The following ABCB4 variants were observed in gnomAD, a reference collection of about 807,000 sequenced individuals.
ABCB4 encodes the protein ATP binding cassette subfamily B member 4.
A neutral mutation model predicts 145.7 loss-of-function variants in ABCB4; 76 were observed. The ratio of observed to expected loss-of-function variants is 0.52; its 90% CI spans 0.43 to 0.63. ABCB4 has a LOEUF of 0.63. Among genes scored for constraint, ABCB4 ranks in the 30% least tolerant of loss-of-function variants. The pLI, the probability that ABCB4 is intolerant of heterozygous loss-of-function variation, is 0.00. For synonymous variants in ABCB4, 517 were observed against 566.8 expected (o/e 0.91, Z 1.25); for missense variants, 1,234 against 1,553.1 (o/e 0.79, Z 3.45).
intron 4 of ABCB4, among the ~76,000 whole-genome samples, chr7:87,458,067 C>T (rs981481307): frequency 5.3e-5 from 8 of 152,082 alleles, no homozygotes; most frequent in South Asian, 4.1e-4. Context: ...TTCAGGCACC[C>T]TAGGCACTAT....
intron 1 of ABCB4, 27 bp from the exon 2 acceptor site, chr7:87,475,498 C>G (rs773446907): frequency 3.1e-6 from 5 of 1,612,286 alleles, no homozygotes; most frequent in Non-Finnish European, 2.5e-6. Flanking sequence ...GCCTCAGAAC[C>G]AAGTACACCC....
rs567483147 is a variant in ABCB4 at position 87,462,764 on chromosome 7, A to G, written c.280T>C (p.Phe94Leu). The G allele has an allele frequency of 8.9e-5, 144 of 1,613,888 alleles. No homozygotes were observed. The highest frequency in any genetic ancestry group is 1.2e-4 in the Non-Finnish European group (141 of 1,179,908). Residue 94 changes from phenylalanine to leucine, a missense_variant, in exon 4 of 28, where the codon TTT becomes CTT. Phe to Leu is a conservative substitution (Grantham distance 22). Transcript: ENST00000649586. Reference protein sequence around the residue: ...KFVDTAGNFSFPVNFSLSLLN... With the variant: ...KFVDTAGNFSLPVNFSLSLLN... ...AAGGTAAAGAAATGCTTACCTGGAA[A>G]GGAGAAGTTTCCTGCAGTATCAACA...
chr7:87,375,957 C>A, the ABCB4 span: 1 of 1,524,654 alleles, frequency 6.6e-7, no homozygotes, highest in Non-Finnish European at 8.8e-7. Context: ...TTCTGAGGTA[C>A]TTAACTACCT....
intron 18 of ABCB4, 58 bp downstream of exon 18, chr7:87,422,063 T>C: frequency 7.9e-7 from 1 of 1,270,254 alleles, no homozygotes; most frequent in Admixed American, 1.9e-5. Flanking sequence ...TTAGGTTTAA[T>C]TTAATTTCTC....
In ABCB4 at chr7:87,403,521, A is replaced by G. The variant is rs1488787787; in HGVS notation, c.3487-240T>C. ...AATAGGAGGAGGATACTCTAAAATAACAAATGCTATAACGGATATATGAAT... is the reference window on the plus strand; with the variant it reads ...AATAGGAGGAGGATACTCTAAAATAGCAAATGCTATAACGGATATATGAAT... On this transcript the variant is annotated intron_variant, in intron 26 of 27. Transcript: ENST00000649586. 3 of 534,694 alleles carry G rather than the reference A, an allele frequency of 5.6e-6. No individual in the cohort carries two copies. The African/African-American group carries it at 5.7e-5, about 10-fold the overall frequency. 33.1% of individuals were successfully genotyped at this position (534,694 alleles called of 1,614,324 possible).
chr7:87,388,219 G>A, the ABCB4 span, among the ~76,000 whole-genome samples: 1 of 151,702 alleles, frequency 6.6e-6, no homozygotes, highest in Non-Finnish European at 1.5e-5. Flanking sequence ...TTATAGATTC[G>A]ATGCTATCTC....
At chr7:87,471,476 C>A (rs972253591) in intron 3 of ABCB4, among the ~76,000 whole-genome samples, 9 of 151,520 alleles carry the variant, frequency 5.9e-5, no homozygotes, top group Non-Finnish European at 1.2e-4. Context: ...TTTTAAATTG[C>A]CCTTACTGAG....
In ABCB4 at chr7:87,444,869, A is replaced by G. The variant is rs1811239861; in HGVS notation, c.1112T>C (p.Ile371Thr). ...AAATAATAAATGACTTACATTATCA[A>G]TAATATCAAAGATCACATATGCTGC... is the stretch of plus-strand genomic sequence containing the variant. ...RGAAYVIFDI[I>T]DNNPKIDSFS... is the part of the protein sequence containing the mutation. The change falls in exon 10 of 28, where the codon ATT (isoleucine) becomes ACT (threonine). Residue 371 changes from isoleucine (I) to threonine (T), a missense_variant. This residue lies in a region of ABCB4 where 467 missense variants were observed against 632.8 expected (regional missense o/e 0.74). Transcript: ENST00000649586. The G allele has an allele frequency of 3.1e-6, 5 of 1,605,764 alleles. No individual in the cohort carries two copies. The highest frequency in any genetic ancestry group is 1.7e-5 in the Admixed American group (1 of 59,582).
At position 87,475,275 on chromosome 7, in the gene ABCB4, A is replaced by G. The variant is rs1813720173; in HGVS notation, c.80+111T>C. 4.5e-6 allele frequency: 6 copies of G among 1,323,244 alleles called. No homozygotes were observed. The East Asian group carries it at 6.9e-5, about 15-fold the overall frequency. The allele number at this position is 1,323,244 out of a possible 1,614,324, so 82.0% of individuals were successfully genotyped here. A position where few individuals can be genotyped will look rare whatever the true frequency, so the allele number is the denominator to read the frequency against. ...GCAAGACCCTTCAAAGAAGCCTCCA[A>G]AACAAAGGTCTTCAAAGGCATCAAC... On this transcript the variant is annotated intron_variant, in intron 2 of 27. Transcript: ENST00000649586.
At chr7:87,412,075 T>G in intron 22 of ABCB4, 42 bp from the exon 23 acceptor site, 1 of 1,611,770 alleles carries the variant, frequency 6.2e-7, no homozygotes, top group Non-Finnish European at 8.5e-7. Context: ...CTCTTCAGCC[T>G]CCTTTAGCGC....
chr7:87,406,238 T>C (rs1161216490), intron 26 of ABCB4, 50 bp downstream of exon 26: 1 of 1,571,576 alleles, frequency 6.4e-7, no homozygotes, highest in Non-Finnish European at 8.8e-7. Flanking sequence ...TGGTAATTGT[T>C]TGGGGGATAA....
intron 4 of ABCB4, among the ~76,000 whole-genome samples, chr7:87,460,954 C>T (rs45525434): frequency 1.3e-5 from 2 of 151,592 alleles, no homozygotes; most frequent in Non-Finnish European, 2.9e-5. Context: ...CTACCTCTCC[C>T]ATTTCTTTAA....
At chr7:87,420,104 T>G (rs777829239) in intron 18 of ABCB4, 29 bp from the exon 19 acceptor site, 39 of 1,607,286 alleles carry the variant, frequency 2.4e-5, no homozygotes, top group Non-Finnish European at 2.9e-5. Flanking sequence ...TATGGTCTCT[T>G]TTGATCTTTA....
Position 87,462,775 on chromosome 7 carries a change from C to A in ABCB4, c.269G>T (p.Gly90Val), listed in dbSNP as rs2116898065. The change falls in exon 4 of 28, where the codon GGA (glycine) becomes GTA (valine). Residue 90 changes from glycine (G) to valine (V), a missense_variant. Coordinates refer to ENST00000649586, the MANE Select transcript of ABCB4 (RefSeq NM_000443.4). Reference sequence around the variant, plus strand: ...ATGCTTACCTGGAAAGGAGAAGTTTCCTGCAGTATCAACAAATTTGTCAGT... The same window carrying A: ...ATGCTTACCTGGAAAGGAGAAGTTTACTGCAGTATCAACAAATTTGTCAGT... ...EMTDKFVDTA[G>V]NFSFPVNFSL... 2 of 1,613,914 alleles carry A rather than the reference C, an allele frequency of 1.2e-6. No individual in the cohort carries two copies. Among genetic ancestry groups the A allele is most frequent in the East Asian group, 4.5e-5 (2 of 44,854 alleles).
At position 87,468,941 on chromosome 7, in the gene ABCB4, TAAATAAAATAAAATAAAATA is replaced by T. The variant is rs376156950; in HGVS notation, c.135+3660_135+3679del. On this transcript the variant is annotated intron_variant, in intron 3 of 27. Coordinates refer to ENST00000649586, the MANE Select transcript of ABCB4 (RefSeq NM_000443.4). ...GCGCAACTCCGTCTCAAAAAATAAA[TAAATAAAATAAAATAAAATA>T]AAATAAAATAAAATAAAATACTGGC... Among the ~76,000 whole-genome samples the T allele has an allele frequency of 6.5e-5, 9 of 138,934 alleles. No individual in the cohort carries two copies. The South Asian group carries it at 6.9e-4, about 11-fold the overall frequency. The allele number at this position is 138,934 out of a possible 152,430, so 91.1% of individuals were successfully genotyped here. A position where few individuals can be genotyped will look rare whatever the true frequency, so the allele number is the denominator to read the frequency against.
chr7:87,375,708 C>T, the ABCB4 span: 1,508 of 1,613,346 alleles, frequency 9.3e-4, 1 homozygote, highest in Non-Finnish European at 1.1e-3. Context: ...TAGTGAGGAG[C>T]GAACTCGATG....
downstream of ABCB4, among the ~76,000 whole-genome samples, chr7:87,397,735 C>A (rs561713018): frequency 1.3e-4 from 20 of 152,294 alleles, no homozygotes; most frequent in South Asian, 3.9e-3. Flanking sequence ...ATATACTGGG[C>A]TAGAGCATGT....
chr7:87,402,517 G>T (rs1384063875), intron 27 of ABCB4, among the ~76,000 whole-genome samples: 1 of 152,080 alleles, frequency 6.6e-6, no homozygotes, highest in East Asian at 1.9e-4. Flanking sequence ...TTCCCATGCT[G>T]TAAAAAAATT....
the ABCB4 span, among the ~76,000 whole-genome samples, chr7:87,371,680 A>G: frequency 1.3e-5 from 2 of 152,262 alleles, no homozygotes; most frequent in East Asian, 3.9e-4. Flanking sequence ...TTGACATGGT[A>G]CTATTAAACT....
Sources: gnomAD v4.1 joint callset for allele counts (sites outside exome capture counted in the v4.1 genomes callset) on GRCh38, gnomAD v4.1.1 for gene constraint, gnomAD v4.1.1 regional missense constraint, MANE v1.5 for transcripts, NCBI Gene and HGNC (gene_info 2026-07-23, HGNC 2026-07-21) for gene names.